Variants in ACOXL observed in about 807,000 individuals in gnomAD.
The protein encoded by ACOXL is acyl-coenzyme A oxidase-like protein.
A neutral mutation model predicts 71.9 loss-of-function variants in ACOXL; 70 were observed. The ratio of observed to expected loss-of-function variants is 0.97; its 90% CI spans 0.80 to 1.19. ACOXL has a LOEUF of 1.19. Among genes scored for constraint, ACOXL ranks in the 50% most tolerant of loss-of-function variants. The probability of loss-of-function intolerance (pLI) is 0.00; values close to 1 mark genes in which losing one functional copy is unlikely to be tolerated. For missense variants in ACOXL, 703 were observed against 736.3 expected (o/e 0.95, Z 0.52); for synonymous variants, 253 against 281.6 (o/e 0.90, Z 1.02).
At chr2:110,917,476 C>T (rs1305908207) in intron 11 of ACOXL, among the ~76,000 whole-genome samples, 1 of 152,226 alleles carries the variant, frequency 6.6e-6, no homozygotes, top group Non-Finnish European at 1.5e-5. Flanking sequence ...TGGAAGCATT[C>T]CCTTTGAAAA....
intron 1 of ACOXL, among the ~76,000 whole-genome samples, chr2:110,737,253 C>T (rs1676978111): frequency 6.6e-6 from 1 of 152,050 alleles, no homozygotes; most frequent in African/African-American, 2.4e-5. Flanking sequence ...CCTTGTGGGC[C>T]ACTACTCTCA....
At chr2:110,905,331 G>T (rs914495560) in intron 10 of ACOXL, among the ~76,000 whole-genome samples, 10 of 152,152 alleles carry the variant, frequency 6.6e-5, no homozygotes, top group Admixed American at 2.6e-4. Context: ...CAGGCAGAGA[G>T]CCCTGCTTGG....
chr2:110,957,433 T>C (rs1171118267), intron 12 of ACOXL, among the ~76,000 whole-genome samples: 2 of 152,216 alleles, frequency 1.3e-5, no homozygotes, highest in African/African-American at 2.4e-5. Context: ...TTGTCTGTGC[T>C]GGCTGCTATA....
At chr2:110,813,392 C>T (rs1687568882) in intron 9 of ACOXL, among the ~76,000 whole-genome samples, 1 of 152,178 alleles carries the variant, frequency 6.6e-6, no homozygotes, top group African/African-American at 2.4e-5. Flanking sequence ...GACTGCTTCC[C>T]AGTGCTCCCA....
At chr2:110,921,098 G>T (rs2060050133) in intron 11 of ACOXL, among the ~76,000 whole-genome samples, 1 of 151,876 alleles carries the variant, frequency 6.6e-6, no homozygotes, top group Admixed American at 6.6e-5. Context: ...CGATAGTGTT[G>T]GTTGTAACAT....
chr2:110,790,127 G>A (rs753025974), intron 3 of ACOXL, among the ~76,000 whole-genome samples: 4 of 152,144 alleles, frequency 2.6e-5, no homozygotes, highest in African/African-American at 4.8e-5. Context: ...AAGGATCCCC[G>A]TGCCAAACCT....
At chr2:110,861,267 A>G (rs1231565306) in intron 10 of ACOXL, among the ~76,000 whole-genome samples, 1 of 152,198 alleles carries the variant, frequency 6.6e-6, no homozygotes, top group African/African-American at 2.4e-5. Flanking sequence ...GCTTGATTAT[A>G]AAGCTCAATG....
At chr2:110,907,925 G>A (rs1249539761) in intron 10 of ACOXL, among the ~76,000 whole-genome samples, 1 of 152,148 alleles carries the variant, frequency 6.6e-6, no homozygotes, top group Non-Finnish European at 1.5e-5. Context: ...TGAAGCAAAG[G>A]TTTGCCCACC....
At chr2:110,969,085 G>A (rs1574325517) in intron 12 of ACOXL, among the ~76,000 whole-genome samples, 1 of 152,230 alleles carries the variant, frequency 6.6e-6, no homozygotes, top group South Asian at 2.1e-4. Context: ...AGGTTATATA[G>A]GAAATTTTAA....
intron 9 of ACOXL, among the ~76,000 whole-genome samples, chr2:110,806,058 G>A (rs923861454): frequency 6.6e-6 from 1 of 152,206 alleles, no homozygotes; most frequent in Non-Finnish European, 1.5e-5. Context: ...AGTCTCCCCA[G>A]GAATATACAT....
intron 1 of ACOXL, among the ~76,000 whole-genome samples, chr2:110,751,495 C>G (rs1029518573): frequency 6.6e-6 from 1 of 152,068 alleles, no homozygotes; most frequent in Non-Finnish European, 1.5e-5. Context: ...TTCAAAATTA[C>G]TAACATAAAT....
At chr2:110,854,794 C>G (rs1359332533) in intron 10 of ACOXL, among the ~76,000 whole-genome samples, 1 of 152,174 alleles carries the variant, frequency 6.6e-6, no homozygotes, top group Non-Finnish European at 1.5e-5. Context: ...CCCTTGAAAA[C>G]AAGAAGGAGA....
At chr2:110,930,238 G>A (rs192058714) in intron 11 of ACOXL, among the ~76,000 whole-genome samples, 8 of 152,344 alleles carry the variant, frequency 5.3e-5, no homozygotes, top group Non-Finnish European at 8.8e-5. Context: ...TGATCTGGAC[G>A]TGAGACAAAG....
chr2:111,079,555 T>G (rs973862063), intron 16 of ACOXL, among the ~76,000 whole-genome samples: 4 of 152,120 alleles, frequency 2.6e-5, no homozygotes, highest in Admixed American at 6.5e-5. Context: ...AAAGCTGAGG[T>G]TTAGTTATCC....
intron 16 of ACOXL, among the ~76,000 whole-genome samples, chr2:111,078,711 C>T (rs1444940644): frequency 2.0e-5 from 3 of 152,258 alleles, no homozygotes; most frequent in East Asian, 1.9e-4. Flanking sequence ...TGTTGGCATC[C>T]GTTGATTGAC....
chr2:110,793,916 ATGT>A (rs1684969316), intron 4 of ACOXL, among the ~76,000 whole-genome samples, 157 bp from the exon 5 acceptor site: 1 of 152,202 alleles, frequency 6.6e-6, no homozygotes, highest in African/African-American at 2.4e-5. Context: ...TGGGCCTGTC[ATGT>A]TGTTAAGCTC....
rs560010490 is a variant in ACOXL at position 110,798,814 on chromosome 2, G to C, written c.460+90G>C. On this transcript the variant is annotated intron_variant, in intron 6 of 17. Transcript: ENST00000439055. The stretch of plus-strand genomic sequence containing the variant: ...CATTTCACAGAGCTGCTTTTATCTT[G>C]TAAATAATTCAGTACTAACTTTATC... 4.6e-6 allele frequency: 6 copies of C among 1,310,894 alleles called. No individual in the cohort carries two copies. In the South Asian group the frequency reaches 7.3e-5, roughly 16 times the overall value. 81.2% of individuals were successfully genotyped at this position (1,310,894 alleles called of 1,614,324 possible).
At chr2:111,031,189 T>A (rs1041262418) in intron 14 of ACOXL, among the ~76,000 whole-genome samples, 16 of 152,314 alleles carry the variant, frequency 1.1e-4, no homozygotes, top group Admixed American at 1.0e-3. Context: ...CATAACATGT[T>A]TGAGAAACAC....
chr2:110,908,502 T>A (rs557588047), intron 10 of ACOXL, among the ~76,000 whole-genome samples: 2 of 152,210 alleles, frequency 1.3e-5, no homozygotes, highest in African/African-American at 4.8e-5. Context: ...CTATAAAATG[T>A]CATGTAAATG....
Sources: gnomAD v4.1 joint callset for allele counts (sites outside exome capture counted in the v4.1 genomes callset) on GRCh38, gnomAD v4.1.1 for gene constraint, MANE v1.5 for transcripts, NCBI Gene and HGNC (gene_info 2026-07-23, HGNC 2026-07-21) for gene names.